RAPGEF5: variants seen among roughly 807,000 people sequenced by gnomAD.
RAPGEF5 encodes Rap guanine nucleotide exchange factor 5.
In RAPGEF5, 65 loss-of-function variants were observed where a neutral mutation model predicts 125.2. The observed-to-expected ratio is 0.52, with a 90% CI of 0.43 to 0.64. RAPGEF5 has a LOEUF of 0.64. Among genes scored for constraint, RAPGEF5 ranks in the 30% least tolerant of loss-of-function variants. The probability of loss-of-function intolerance (pLI) is 0.00; values close to 1 mark genes in which losing one functional copy is unlikely to be tolerated. For synonymous variants in RAPGEF5, 391 were observed against 385.9 expected (o/e 1.01, Z -0.16); for missense variants, 958 against 1,048.1 (o/e 0.91, Z 1.19).
intron 20 of RAPGEF5, among the ~76,000 whole-genome samples, chr7:22,142,064 T>A (rs1368246121): frequency 2.0e-5 from 3 of 152,178 alleles, no homozygotes; most frequent in African/African-American, 7.2e-5. Flanking sequence ...CCTCCTGAGT[T>A]GATGTTTTGA....
intron 9 of RAPGEF5, among the ~76,000 whole-genome samples, chr7:22,213,335 C>T (rs1395982979): frequency 6.6e-6 from 1 of 152,178 alleles, no homozygotes; most frequent in Non-Finnish European, 1.5e-5. Flanking sequence ...AACTTGTAAA[C>T]CTTGTTCCTA....
chr7:22,126,183 C>A (rs998809405), intron 24 of RAPGEF5, among the ~76,000 whole-genome samples: 1 of 152,074 alleles, frequency 6.6e-6, no homozygotes, highest in Non-Finnish European at 1.5e-5. Flanking sequence ...AGCACCCAAT[C>A]CGGGTTGCAC....
intron 1 of RAPGEF5, among the ~76,000 whole-genome samples, chr7:22,330,002 T>C (rs1783884176): frequency 6.6e-6 from 1 of 152,194 alleles, no homozygotes. Context: ...CCCCACAGTC[T>C]GTCTACAAGA....
chr7:22,199,882 G>A (rs1785238626), intron 9 of RAPGEF5, among the ~76,000 whole-genome samples: 1 of 152,154 alleles, frequency 6.6e-6, no homozygotes, highest in Non-Finnish European at 1.5e-5. Context: ...GATGGACCCA[G>A]CTCTCTCTCA....
At chr7:22,167,937 T>A (rs769351383) in intron 11 of RAPGEF5, among the ~76,000 whole-genome samples, 13 of 152,246 alleles carry the variant, frequency 8.5e-5, no homozygotes, top group Non-Finnish European at 1.6e-4. Flanking sequence ...AAAGATTATA[T>A]GCAGAATGTA....
In RAPGEF5 at chr7:22,122,480, CAT is replaced by C; in HGVS notation, c.2576_2577del (p.Tyr859CysfsTer2). On this transcript the variant is annotated frameshift_variant, in exon 26 of 26. Transcript: ENST00000665637. LOFTEE classifies it high-confidence loss of function. ...SPKEHQELKS[Y>X]VNHLYVIDSQ... ...CTGTCAATGACATACAGGTGATTAA[CAT>C]AGGACTTTAACTCTTGATGCTCTTT... is the stretch of plus-strand genomic sequence containing the variant. 6.2e-7 allele frequency: 1 copy of C among 1,613,918 alleles called. No individual in the cohort carries two copies. Among genetic ancestry groups the C allele is most frequent in the Non-Finnish European group, 8.5e-7 (1 of 1,179,844 alleles).
In RAPGEF5 at chr7:22,356,970, G is replaced by A. The variant is rs1250474092; in HGVS notation, c.91C>T (p.Pro31Ser). ...CGGGCGCTGGGGCTGCGGCGCAGGG[G>A]GCCGTCTGCCGCCACCACCGCCGCC... ...AAAAVVAADG[P>S]LRRSPSAREP... The change falls in exon 1 of 26, where the codon CCC becomes TCC. Residue 31 changes from proline (P) to serine (S), a missense_variant. Coordinates refer to ENST00000665637, the MANE Select transcript of RAPGEF5 (RefSeq NM_012294.5). The A allele has an allele frequency of 1.6e-5, 17 of 1,032,396 alleles. No homozygotes were observed. The highest frequency in any genetic ancestry group is 1.9e-5 in the Non-Finnish European group (16 of 862,776). The allele number at this position is 1,032,396 out of a possible 1,614,324, so 64.0% of individuals were successfully genotyped here.
intron 6 of RAPGEF5, among the ~76,000 whole-genome samples, chr7:22,273,211 A>AT (rs71026869): frequency 0.027 from 2,586 of 96,552 alleles, 150 homozygotes; most frequent in African/African-American, 0.031. Context: ...ACTTAGGAGT[A>AT]TTTTTTTTTT....
chr7:22,191,503 A>C (rs980599641), intron 11 of RAPGEF5: 5 of 466,870 alleles, frequency 1.1e-5, no homozygotes, highest in Non-Finnish European at 1.8e-5. Flanking sequence ...AATGAGCAGG[A>C]ATTAGGTGAG....
chr7:22,210,006 T>A (rs115583582), intron 9 of RAPGEF5, among the ~76,000 whole-genome samples: 2 of 152,210 alleles, frequency 1.3e-5, no homozygotes, highest in Non-Finnish European at 2.9e-5. Flanking sequence ...GGTCTTAGAA[T>A]ATATTTTCCC....
At chr7:22,136,863 A>G in intron 22 of RAPGEF5, 70 bp downstream of exon 22, 9 of 1,312,120 alleles carry the variant, frequency 6.9e-6, no homozygotes, top group Non-Finnish European at 9.6e-6. Flanking sequence ...ACCACCCACT[A>G]TAATGTAGAA....
intron 1 of RAPGEF5, among the ~76,000 whole-genome samples, chr7:22,339,998 AC>A: frequency 6.6e-6 from 1 of 152,142 alleles, no homozygotes; most frequent in South Asian, 2.1e-4. Context: ...GAATGTGAGA[AC>A]TTAAATATTC....
intron 11 of RAPGEF5, among the ~76,000 whole-genome samples, chr7:22,184,155 T>G (rs1338321817): frequency 6.6e-6 from 1 of 152,222 alleles, no homozygotes; most frequent in East Asian, 1.9e-4. Context: ...ACAAGTTAAT[T>G]ACCCAATGTC....
At chr7:22,190,762 T>G (rs1473015699) in intron 11 of RAPGEF5, among the ~76,000 whole-genome samples, 1 of 152,112 alleles carries the variant, frequency 6.6e-6, no homozygotes, top group Non-Finnish European at 1.5e-5. Context: ...ATTACTCACA[T>G]CTCTTGTTCA....
chr7:22,135,997 A>C, intron 23 of RAPGEF5, 41 bp downstream of exon 23: 1 of 1,493,982 alleles, frequency 6.7e-7, no homozygotes, highest in Non-Finnish European at 9.2e-7. Flanking sequence ...TAAATTTCTG[A>C]AATATGAAAT....
chr7:22,291,819 T>A (rs1249609354), intron 5 of RAPGEF5, among the ~76,000 whole-genome samples: 1 of 152,224 alleles, frequency 6.6e-6, no homozygotes, highest in African/African-American at 2.4e-5. Flanking sequence ...ATGCACGTGT[T>A]AAATAACTAA....
chr7:22,288,526 CT>C (rs56683554), intron 6 of RAPGEF5, among the ~76,000 whole-genome samples: 37,112 of 142,156 alleles, frequency 0.26, 4,421 homozygotes, highest in African/African-American at 0.39. Context: ...CTTTTCTTTT[CT>C]TTTTTTTTTT....
chr7:22,318,007 G>C lies in RAPGEF5; in HGVS notation c.262C>G (p.Leu88Val). 1 of 1,546,492 alleles carries C rather than the reference G, an allele frequency of 6.5e-7. No homozygotes were observed. The highest frequency in any genetic ancestry group is 1.2e-5 in the South Asian group (1 of 82,658). ...TLSRRISNPYLEHTPSQIYGE... is the reference protein window; with the variant it reads ...TLSRRISNPYVEHTPSQIYGE... Reference sequence around the variant, plus strand: ...CATACCTGGGAAGGCGTATGTTCAAGGTACGGATTAGATATTCTTCTTGAT... The same window carrying C: ...CATACCTGGGAAGGCGTATGTTCAACGTACGGATTAGATATTCTTCTTGAT... Residue 88 changes from leucine (L) to valine (V), a missense_variant, in exon 2 of 26, where the codon CTT becomes GTT. Transcript: ENST00000665637.
At chr7:22,231,094 TCTC>T (rs1200412672) in intron 7 of RAPGEF5, among the ~76,000 whole-genome samples, 175 bp from the exon 8 acceptor site, 2 of 152,222 alleles carry the variant, frequency 1.3e-5, no homozygotes, top group Admixed American at 6.5e-5. Context: ...ACTGGGTACT[TCTC>T]CTGCATATTA....
Sources: allele counts gnomAD v4.1 joint callset (sites outside exome capture counted in the v4.1 genomes callset), GRCh38; gene constraint gnomAD v4.1.1; transcripts MANE v1.5; gene names NCBI Gene and HGNC (gene_info 2026-07-23, HGNC 2026-07-21).